The following SCTR variants were observed in gnomAD, a reference collection of about 807,000 sequenced individuals.
SCTR encodes pancreatic secretin receptor.
A neutral mutation model predicts 60.8 loss-of-function variants in SCTR; 56 were observed. That is an observed-to-expected ratio of 0.92 (90% CI 0.74 to 1.15). The LOEUF (loss-of-function observed/expected upper bound fraction) is 1.15, where lower values mean the gene tolerates loss of function less well. Among genes scored for constraint, SCTR ranks in the 50% most tolerant of loss-of-function variants. SCTR has a pLI of 0.00. For missense variants in SCTR, 562 were observed against 550.4 expected (o/e 1.02, Z -0.21); for synonymous variants, 202 against 217.0 (o/e 0.93, Z 0.61).
chr2:119,453,627 G>A (rs1683258912), intron 7 of SCTR, among the ~76,000 whole-genome samples: 1 of 152,202 alleles, frequency 6.6e-6, no homozygotes, highest in African/African-American at 2.4e-5. Context: ...AGACTCCAGA[G>A]GACCACTGCA....
intron 1 of SCTR, among the ~76,000 whole-genome samples, chr2:119,495,889 A>G (rs1490865126): frequency 6.6e-6 from 1 of 152,240 alleles, no homozygotes; most frequent in Non-Finnish European, 1.5e-5. Context: ...TAGAATGCTC[A>G]TTCTTTCCCC....
chr2:119,447,089 C>G (rs1250729502), intron 10 of SCTR, among the ~76,000 whole-genome samples: 2 of 152,048 alleles, frequency 1.3e-5, no homozygotes, highest in African/African-American at 4.8e-5. Flanking sequence ...ATTTTTGACT[C>G]ATGGCAAAGC....
rs1301880612 is a variant in SCTR, at chr2:119,444,466, C to CAT, written c.1140+2291_1140+2292dup. On this transcript the variant is annotated intron_variant, in intron 11 of 12. Coordinates refer to ENST00000019103, the MANE Select transcript of SCTR (RefSeq NM_002980.3). ...ATATATACGTACGTATATATATACACATATATACGTACGTATATATATACA... is the reference window on the plus strand; with the variant it reads ...ATATATACGTACGTATATATATACACATATATATACGTACGTATATATATACA... Among the ~76,000 whole-genome samples, 38 of 108,476 alleles carry CAT rather than the reference C, an allele frequency of 3.5e-4. 7 individuals are homozygous for CAT. The highest frequency in any genetic ancestry group is 1.2e-3 in the South Asian group (4 of 3,286). The allele number at this position is 108,476 out of a possible 152,430, so 71.2% of individuals were successfully genotyped here.
At position 119,524,338 on chromosome 2, in the gene SCTR, C is replaced by G; in HGVS notation, c.-112G>C. 1 of 664,794 alleles carries G rather than the reference C, an allele frequency of 1.5e-6. No individual in the cohort carries two copies. The highest frequency in any genetic ancestry group is 2.2e-6 in the Non-Finnish European group (1 of 451,624). 41.2% of individuals were successfully genotyped at this position (664,794 alleles called of 1,614,324 possible). A position where few individuals can be genotyped will look rare whatever the true frequency, so the allele number is the denominator to read the frequency against. On this transcript the variant is annotated 5_prime_UTR_variant, in exon 1 of 13. Transcript: ENST00000019103. Reference sequence around the variant, plus strand: ...CCCGGGCTCCGGCCGGCCGCTGCGCCCCGAGGAGCCATGGCTGAGCCACCC... The same window carrying G: ...CCCGGGCTCCGGCCGGCCGCTGCGCGCCGAGGAGCCATGGCTGAGCCACCC...
rs115393881 is a variant in SCTR at position 119,465,902 on chromosome 2, C to T, written c.406-16G>A. 1.7e-3 allele frequency: 2,679 copies of T among 1,588,040 alleles called. 24 individuals carry two copies. The African/African-American group carries it at 0.029, about 17-fold the overall frequency. Reference sequence around the variant, plus strand: ...GGTAGGAGTGCTGCAGAGAGAGGCACGTGTCAGCCCCGCCGGCCCTCCTGG... The same window carrying T: ...GGTAGGAGTGCTGCAGAGAGAGGCATGTGTCAGCCCCGCCGGCCCTCCTGG... On this transcript the variant is annotated splice_polypyrimidine_tract_variant and intron_variant, in intron 4 of 12. Transcript: ENST00000019103.
chr2:119,508,761 T>A (rs1017971750), intron 1 of SCTR, among the ~76,000 whole-genome samples: 2 of 152,228 alleles, frequency 1.3e-5, no homozygotes, highest in African/African-American at 4.8e-5. Context: ...GAAATATGTA[T>A]ACACTGTAGA....
In SCTR at chr2:119,494,427, C is replaced by T; in HGVS notation, c.193+1G>A. On this transcript the variant is annotated splice_donor_variant, in intron 2 of 12. Transcript: ENST00000019103. LOFTEE classifies it high-confidence loss of function. ...GACATGGGCTGTGGCAAGCCTCATA[C>T]CTGGCACTGGCTGCTCCGTGCCCAG... 1 of 1,613,620 alleles carries T rather than the reference C, an allele frequency of 6.2e-7. No homozygotes were observed. The highest frequency in any genetic ancestry group is 8.5e-7 in the Non-Finnish European group (1 of 1,179,772).
At chr2:119,511,405 T>A (rs571200353) in intron 1 of SCTR, among the ~76,000 whole-genome samples, 1 of 152,326 alleles carries the variant, frequency 6.6e-6, no homozygotes, top group East Asian at 1.9e-4. Context: ...TATAATGACT[T>A]ATTTTGACTA....
chr2:119,506,739 G>A (rs955057205), intron 1 of SCTR, among the ~76,000 whole-genome samples: 2 of 152,156 alleles, frequency 1.3e-5, no homozygotes, highest in African/African-American at 2.4e-5. Context: ...GCCTCTCAAA[G>A]TCTTGGGATT....
At chr2:119,492,862 A>ATTTATTTC (rs1412175391) in intron 2 of SCTR, among the ~76,000 whole-genome samples, 2 of 149,294 alleles carry the variant, frequency 1.3e-5, no homozygotes, top group Non-Finnish European at 3.0e-5. Context: ...TTATTTATTT[A>ATTTATTTC]TTTATTTATT....
chr2:119,446,795 G>A lies in SCTR; in HGVS notation c.1104C>T (p.Ile368=). The change falls in exon 11 of 13, where the codon ATC becomes ATT. Residue 368 remains isoleucine, a synonymous_variant. Coordinates refer to ENST00000019103, the MANE Select transcript of SCTR (RefSeq NM_002980.3). Reference sequence around the variant, plus strand: ...CAAGGGCTAGTTCAAAAAACAGCTGGATCTCCATAGCGTCCTCTGGGGAGA... The same window carrying A: ...CAAGGGCTAGTTCAAAAAACAGCTGAATCTCCATAGCGTCCTCTGGGGAGA... ...FAFSPEDAME[I]QLFFELALGS... is the part of the protein sequence containing the mutation. 2 of 1,566,318 alleles carry A rather than the reference G, an allele frequency of 1.3e-6. No individual in the cohort carries two copies. The highest frequency in any genetic ancestry group is 8.7e-7 in the Non-Finnish European group (1 of 1,154,416).
chr2:119,504,154 A>T lies in SCTR; in HGVS notation c.73-9606T>A, dbSNP rs189395281. The stretch of plus-strand genomic sequence containing the variant: ...TACTGACAAAGGTACAAAGGGATTC[A>T]ATGAAAGGATCATCTTTTCAACAAA... On this transcript the variant is annotated intron_variant, in intron 1 of 12. Transcript: ENST00000019103. Among the ~76,000 whole-genome samples, 21 of 152,350 alleles carry T rather than the reference A, an allele frequency of 1.4e-4. 1 individual carries two copies. The highest frequency in any genetic ancestry group is 1.2e-3 in the Admixed American group (18 of 15,304).
At chr2:119,497,173 A>T (rs1046573158) in intron 1 of SCTR, among the ~76,000 whole-genome samples, 7 of 152,030 alleles carry the variant, frequency 4.6e-5, no homozygotes, top group African/African-American at 1.4e-4. Context: ...GGCCACCCCC[A>T]CTGCTGTGTC....
At chr2:119,461,068 G>A (rs1683584998) in intron 7 of SCTR, among the ~76,000 whole-genome samples, 1 of 152,226 alleles carries the variant, frequency 6.6e-6, no homozygotes, top group Admixed American at 6.5e-5. Flanking sequence ...TGTTACGAAA[G>A]GCAAAGTAGA....
chr2:119,462,688 T>C (rs1301683056), intron 6 of SCTR, among the ~76,000 whole-genome samples: 1 of 152,236 alleles, frequency 6.6e-6, no homozygotes, highest in Admixed American at 6.5e-5. Flanking sequence ...AGGGCCTTTG[T>C]CCTTTTCTTT....
Position 119,494,112 on chromosome 2 carries a change from G to A in SCTR, c.193+316C>T, listed in dbSNP as rs913297455. ...CAGGGAGGTGGGAGGATGAATGAGA[G>A]GAGAACTGTCTTGCAGAGAAATTCC... On this transcript the variant is annotated intron_variant, in intron 2 of 12. Transcript: ENST00000019103. 2.0e-5 allele frequency among the ~76,000 whole-genome samples: 3 copies of A among 152,166 alleles called. No individual in the cohort carries two copies. In the East Asian group the frequency reaches 5.8e-4, roughly 29 times the overall value.
chr2:119,509,521 A>G (rs977991866), intron 1 of SCTR, among the ~76,000 whole-genome samples: 4 of 152,224 alleles, frequency 2.6e-5, no homozygotes, highest in Non-Finnish European at 4.4e-5. Context: ...GGGATAACAT[A>G]TCTATGATGG....
chr2:119,511,737 G>C (rs1459248638), intron 1 of SCTR, among the ~76,000 whole-genome samples: 5 of 151,996 alleles, frequency 3.3e-5, no homozygotes, highest in Non-Finnish European at 7.4e-5. Flanking sequence ...CTTTTTCCTT[G>C]GTTTGCTCTC....
At chr2:119,451,900 C>T (rs566788904) in intron 9 of SCTR, 110 bp downstream of exon 9, 6 of 698,304 alleles carry the variant, frequency 8.6e-6, no homozygotes, top group Admixed American at 8.4e-5. Context: ...GTGGTTTATC[C>T]CTCCTGGCAC....
Sources: gnomAD v4.1 joint callset for allele counts (sites outside exome capture counted in the v4.1 genomes callset) on GRCh38, gnomAD v4.1.1 for gene constraint, MANE v1.5 for transcripts, NCBI Gene and HGNC (gene_info 2026-07-23, HGNC 2026-07-21) for gene names.